POU2F1: variants seen among roughly 807,000 people sequenced by gnomAD.
The protein encoded by POU2F1 is POU domain, class 2, transcription factor 1.
In POU2F1, 16 loss-of-function variants were observed where a neutral mutation model predicts 84.9. The observed-to-expected ratio is 0.19, with a 90% CI of 0.13 to 0.29. POU2F1 has a LOEUF of 0.29. Ranked by LOEUF, POU2F1 falls within the 10% of genes least tolerant of loss-of-function variation. The pLI is 1.00. For synonymous variants in POU2F1, 368 were observed against 368.3 expected (o/e 1.00, Z 0.01); for missense variants, 738 against 942.6 (o/e 0.78, Z 2.84).
chr1:167,341,044 G>A (rs1255464129), intron 2 of POU2F1, among the ~76,000 whole-genome samples: 1 of 152,152 alleles, frequency 6.6e-6, no homozygotes, highest in Non-Finnish European at 1.5e-5. Flanking sequence ...TGAAGAAACA[G>A]TCAAAGCTGA....
intron 1 of POU2F1, among the ~76,000 whole-genome samples, chr1:167,298,134 A>C (rs1424423561): frequency 6.6e-6 from 1 of 151,666 alleles, no homozygotes; most frequent in Non-Finnish European, 1.5e-5. Flanking sequence ...CTCCAAAAAC[A>C]ACAACAACAA....
intron 9 of POU2F1, among the ~76,000 whole-genome samples, chr1:167,395,142 G>A (rs182988445): frequency 3.9e-5 from 6 of 152,254 alleles, no homozygotes; most frequent in East Asian, 3.9e-4. Flanking sequence ...ACTATCTTAC[G>A]CTTTTTTCCC....
At chr1:167,323,850 G>A (rs1011971171) in intron 1 of POU2F1, among the ~76,000 whole-genome samples, 3 of 152,106 alleles carry the variant, frequency 2.0e-5, no homozygotes, top group East Asian at 1.9e-4. Context: ...ATGCCATCAC[G>A]CCTAGCTAAT....
In POU2F1 at chr1:167,220,960, T is replaced by TAATC; in HGVS notation, c.61+4_61+7dup. 6.5e-7 allele frequency: 1 copy of TAATC among 1,534,618 alleles called. No homozygotes were observed. The highest frequency in any genetic ancestry group is 8.7e-7 in the Non-Finnish European group (1 of 1,146,400). On this transcript the variant is annotated splice_region_variant and intron_variant, in intron 1 of 15. Transcript: ENST00000367866. ...CAGCCGCGGCGGCAGCAGCAGCAGG[T>TAATC]AATCATTACAGCATTTTACATATTC...
chr1:167,327,501 G>A (rs1452000566), intron 1 of POU2F1, among the ~76,000 whole-genome samples: 1 of 152,144 alleles, frequency 6.6e-6, no homozygotes, highest in African/African-American at 2.4e-5. Context: ...ACTTGCAAGG[G>A]AATCTTTTTA....
chr1:167,355,471 G>T (rs147168023), intron 2 of POU2F1, among the ~76,000 whole-genome samples: 1 of 151,928 alleles, frequency 6.6e-6, no homozygotes, highest in Admixed American at 6.6e-5. Flanking sequence ...GAACATCTTG[G>T]CCCCATGCCA....
intron 13 of POU2F1, 33 bp from the exon 14 acceptor site, chr1:167,411,926 A>G (rs768765907): frequency 2.6e-6 from 4 of 1,566,288 alleles, no homozygotes; most frequent in Non-Finnish European, 2.6e-6. Flanking sequence ...ACCATTTACA[A>G]AAGGTCATCT....
In POU2F1 at chr1:167,421,594, G is replaced by A. The variant is rs1650653957; in HGVS notation, c.*5784G>A. ...GGCCTTAGCTAAAAGCAGTAAATGTGAGTGAATTTTATGTTGATTATGTCA... is the reference window on the plus strand; with the variant it reads ...GGCCTTAGCTAAAAGCAGTAAATGTAAGTGAATTTTATGTTGATTATGTCA... On this transcript the variant is annotated 3_prime_UTR_variant, in exon 16 of 16. Transcript: ENST00000367866. The A allele has an allele frequency of 6.6e-6, 1 of 152,160 alleles. No homozygotes were observed. The highest frequency in any genetic ancestry group is 2.4e-5 in the African/African-American group (1 of 41,430). 9.4% of individuals were successfully genotyped at this position (152,160 alleles called of 1,614,324 possible). A position where few individuals can be genotyped will look rare whatever the true frequency, so the allele number is the denominator to read the frequency against.
chr1:167,228,877 A>T (rs1021622), intron 1 of POU2F1, among the ~76,000 whole-genome samples: 1 of 152,158 alleles, frequency 6.6e-6, no homozygotes, highest in African/African-American at 2.4e-5. Context: ...ATAGTACTTT[A>T]AAATTTATAG....
At position 167,275,623 on chromosome 1, in the gene POU2F1, G is replaced by A. The variant is rs112945539; in HGVS notation, c.61+54665G>A. Among the ~76,000 whole-genome samples the A allele has an allele frequency of 3.3e-3, 499 of 152,136 alleles. 6 individuals are homozygous for A. The highest frequency in any genetic ancestry group is 0.012 in the African/African-American group (486 of 41,496). On this transcript the variant is annotated intron_variant, in intron 1 of 15. Transcript: ENST00000367866. The stretch of plus-strand genomic sequence containing the variant: ...TGGGATCTTAACATTTGAATCACCT[G>A]GCAGAACTCTGAAGGTTTAGGGCAA...
At chr1:167,413,188 T>TGTGC (rs761850386) in intron 15 of POU2F1, 74 bp downstream of exon 15, 1 of 1,203,196 alleles carries the variant, frequency 8.3e-7, no homozygotes. Context: ...TGTGTGTGTG[T>TGTGC]GCTTGAGACA....
chr1:167,413,360 G>T (rs1474588039), intron 15 of POU2F1, among the ~76,000 whole-genome samples: 1 of 152,138 alleles, frequency 6.6e-6, no homozygotes, highest in Non-Finnish European at 1.5e-5. Flanking sequence ...TACTTAGTTT[G>T]GTATATGGTA....
At chr1:167,272,790 C>T (rs549931808) in intron 1 of POU2F1, among the ~76,000 whole-genome samples, 8 of 152,208 alleles carry the variant, frequency 5.3e-5, no homozygotes, top group East Asian at 1.9e-4. Flanking sequence ...AAATCCAAAC[C>T]GTATCATTCT....
At chr1:167,368,438 G>C (rs1659822075) in intron 3 of POU2F1, among the ~76,000 whole-genome samples, 1 of 152,044 alleles carries the variant, frequency 6.6e-6, no homozygotes, top group South Asian at 2.1e-4. Flanking sequence ...TTTGTCCACT[G>C]TAAATATGTC....
intron 1 of POU2F1, among the ~76,000 whole-genome samples, chr1:167,329,857 A>G (rs911865275): frequency 6.6e-5 from 10 of 152,134 alleles, no homozygotes; most frequent in Non-Finnish European, 1.2e-4. Context: ...TAACTTTTCA[A>G]ATTTTTGCTA....
At chr1:167,277,129 T>G (rs951598385) in intron 1 of POU2F1, among the ~76,000 whole-genome samples, 2 of 152,214 alleles carry the variant, frequency 1.3e-5, no homozygotes, top group African/African-American at 4.8e-5. Context: ...CCACCAACTC[T>G]TTGTGAAACC....
chr1:167,382,276 C>G (rs1647623984), intron 7 of POU2F1, among the ~76,000 whole-genome samples: 1 of 152,164 alleles, frequency 6.6e-6, no homozygotes, highest in Non-Finnish European at 1.5e-5. Context: ...CTGGAAAAGT[C>G]TCTCTGGAGA....
At chr1:167,399,115 G>C (rs947081794) in intron 11 of POU2F1, 71 bp from the exon 12 acceptor site, 3 of 1,432,446 alleles carry the variant, frequency 2.1e-6, no homozygotes, top group African/African-American at 1.4e-5. Flanking sequence ...CTAACCTGAC[G>C]TGATTATGCC....
intron 1 of POU2F1, among the ~76,000 whole-genome samples, chr1:167,285,557 C>T (rs1041377247): frequency 2.0e-5 from 3 of 151,306 alleles, no homozygotes; most frequent in Non-Finnish European, 4.4e-5. Context: ...CGCGCCACTG[C>T]ACTCCAGCCT....
Sources: allele counts gnomAD v4.1 joint callset (sites outside exome capture counted in the v4.1 genomes callset), GRCh38; gene constraint gnomAD v4.1.1; transcripts MANE v1.5; gene names NCBI Gene and HGNC (gene_info 2026-07-23, HGNC 2026-07-21).